The following FYN variants were observed in gnomAD, a reference collection of about 807,000 sequenced individuals.
The protein encoded by FYN is tyrosine-protein kinase Fyn.
In FYN, 10 loss-of-function variants were observed where a neutral mutation model predicts 70.2. The observed-to-expected ratio is 0.14, with a 90% CI of 0.09 to 0.24. The LOEUF is 0.24. Among genes scored for constraint, FYN ranks in the 10% least tolerant of loss-of-function variants. The probability of loss-of-function intolerance (pLI) is 1.00; values close to 1 mark genes in which losing one functional copy is unlikely to be tolerated. For missense variants in FYN, 319 were observed against 673.1 expected (o/e 0.47, Z 5.82); for synonymous variants, 236 against 248.6 (o/e 0.95, Z 0.48).
chr6:111,765,687 A>G (rs1803202587), intron 3 of FYN, among the ~76,000 whole-genome samples: 1 of 152,160 alleles, frequency 6.6e-6, no homozygotes, highest in South Asian at 2.1e-4. Flanking sequence ...AGTACTGGAC[A>G]CAGAGGTGAA....
intron 2 of FYN, among the ~76,000 whole-genome samples, chr6:111,788,741 A>G (rs1023017218): frequency 6.6e-6 from 1 of 152,248 alleles, no homozygotes; most frequent in Admixed American, 6.5e-5. Flanking sequence ...GAAATAAACC[A>G]TTAAACAAGG....
At chr6:111,860,570 T>C (rs558527893) in intron 1 of FYN, among the ~76,000 whole-genome samples, 1 of 152,348 alleles carries the variant, frequency 6.6e-6, no homozygotes, top group East Asian at 1.9e-4. Flanking sequence ...TTAGGGACTC[T>C]TCCCCACATG....
chr6:111,714,896 C>A (rs1018532508), intron 4 of FYN, among the ~76,000 whole-genome samples: 3 of 152,124 alleles, frequency 2.0e-5, no homozygotes, highest in Non-Finnish European at 4.4e-5. Context: ...TAACATAGAA[C>A]GTAATAGGAA....
chr6:111,773,204 C>T (rs1053053700), intron 3 of FYN, among the ~76,000 whole-genome samples: 1 of 148,320 alleles, frequency 6.7e-6, no homozygotes, highest in African/African-American at 2.5e-5. Flanking sequence ...TTCTCCCAAC[C>T]AGCAAGTTTG....
intron 2 of FYN, among the ~76,000 whole-genome samples, chr6:111,799,462 T>C (rs1428326901): frequency 6.6e-6 from 1 of 152,162 alleles, no homozygotes; most frequent in African/African-American, 2.4e-5. Flanking sequence ...CATGACTTAA[T>C]AACAAGTGTA....
intron 8 of FYN, among the ~76,000 whole-genome samples, chr6:111,701,580 A>G (rs1010473147): frequency 1.3e-5 from 2 of 152,218 alleles, no homozygotes; most frequent in Non-Finnish European, 2.9e-5. Context: ...GAGATTAAAA[A>G]AAGTGTCTAT....
intron 3 of FYN, among the ~76,000 whole-genome samples, chr6:111,774,576 C>G (rs943481158): frequency 6.6e-6 from 1 of 152,088 alleles, no homozygotes; most frequent in Admixed American, 6.5e-5. Context: ...CCATCCCCCC[C>G]ACACACTCCC....
chr6:111,710,292 T>C (rs1057256663), intron 5 of FYN, among the ~76,000 whole-genome samples: 1 of 152,222 alleles, frequency 6.6e-6, no homozygotes, highest in Non-Finnish European at 1.5e-5. Context: ...AGACTGTCAA[T>C]AGGGGCGGGA....
chr6:111,692,101 T>TCC (rs753027655), intron 12 of FYN, among the ~76,000 whole-genome samples: 2,252 of 136,844 alleles, frequency 0.016, 43 homozygotes, highest in Admixed American at 0.043. Flanking sequence ...AAGCTTCATT[T>TCC]CCCCCCCCCC....
rs760744833 is a variant in FYN, at chr6:111,694,556, T to C, written c.1120-28A>G. 1 of 1,613,998 alleles carries C rather than the reference T, an allele frequency of 6.2e-7. No homozygotes were observed. Among genetic ancestry groups the C allele is most frequent in the Non-Finnish European group, 8.5e-7 (1 of 1,179,874 alleles). On this transcript the variant is annotated intron_variant, in intron 11 of 13. Coordinates refer to ENST00000354650, the MANE Select transcript of FYN (RefSeq NM_002037.5). This position sits in a 1 kb window ranked among gnomAD's most constrained non-coding sequence, Gnocchi z 5.0. ...GTGGAAACCCAGGGAACAGGACATGTTACACCACGACCCAATGTACTTAGA... is the reference window on the plus strand; with the variant it reads ...GTGGAAACCCAGGGAACAGGACATGCTACACCACGACCCAATGTACTTAGA...
chr6:111,825,164 T>G (rs1003049000), intron 2 of FYN, among the ~76,000 whole-genome samples: 6 of 152,350 alleles, frequency 3.9e-5, no homozygotes, highest in South Asian at 4.1e-4. Flanking sequence ...CAGCTCTCCA[T>G]GGTCCCGAAC....
At chr6:111,749,875 C>A (rs1321168) in intron 3 of FYN, among the ~76,000 whole-genome samples, 48,492 of 151,734 alleles carry the variant, frequency 0.32, 8,805 homozygotes, top group East Asian at 0.47. Context: ...GATAAATGAC[C>A]TACATGATGG....
chr6:111,806,452 G>A (rs1039308703), intron 2 of FYN, among the ~76,000 whole-genome samples: 4 of 152,196 alleles, frequency 2.6e-5, no homozygotes, highest in Non-Finnish European at 5.9e-5. Flanking sequence ...TTCGGTCCAA[G>A]ATGACCCTTC....
At chr6:111,709,271 A>T (rs1800255541) in intron 5 of FYN, among the ~76,000 whole-genome samples, 1 of 152,192 alleles carries the variant, frequency 6.6e-6, no homozygotes. Flanking sequence ...GCTTCTGGCC[A>T]TGGTAAAGAT....
At chr6:111,675,572 C>A in intron 12 of FYN, among the ~76,000 whole-genome samples, 1 of 151,954 alleles carries the variant, frequency 6.6e-6, no homozygotes, top group Admixed American at 6.6e-5. Flanking sequence ...GGCGGGCGGT[C>A]ATTTGAGGTC....
chr6:111,676,494 C>G (rs1443326208), intron 12 of FYN: 2 of 152,190 alleles, frequency 1.3e-5, no homozygotes, highest in Non-Finnish European at 2.9e-5. Context: ...TCTTTCAAAG[C>G]ATTCTTCTCA....
chr6:111,777,107 G>A (rs980735380), intron 3 of FYN, among the ~76,000 whole-genome samples: 7 of 152,146 alleles, frequency 4.6e-5, no homozygotes, highest in African/African-American at 1.2e-4. Flanking sequence ...TTTAAAATAC[G>A]AGACAATCTC....
intron 2 of FYN, among the ~76,000 whole-genome samples, chr6:111,843,634 G>A (rs1773430050): frequency 6.6e-6 from 1 of 152,142 alleles, no homozygotes; most frequent in African/African-American, 2.4e-5. Flanking sequence ...AGCAAGTCAA[G>A]GAATGATGGT....
At position 111,699,784 on chromosome 6, in the gene FYN, G is replaced by T. The variant is rs115796281; in HGVS notation, c.862+320C>A. 5 of 1,054,068 alleles carry T rather than the reference G, an allele frequency of 4.7e-6. No individual in the cohort carries two copies. The Admixed American group carries it at 1.4e-4, about 29-fold the overall frequency. 65.3% of individuals were successfully genotyped at this position (1,054,068 alleles called of 1,614,324 possible). On this transcript the variant is annotated intron_variant, in intron 9 of 13. Transcript: ENST00000354650. ...TTAGGATGACACTCAACAAATATTT[G>T]CTTTTGGAAATGAAGAGCAAGATAT...
Sources: allele counts gnomAD v4.1 joint callset (sites outside exome capture counted in the v4.1 genomes callset), GRCh38; gene constraint gnomAD v4.1.1; non-coding constraint Gnocchi (gnomAD v3.1); transcripts MANE v1.5; gene names NCBI Gene and HGNC (gene_info 2026-07-23, HGNC 2026-07-21).